The following DGLUCY variants were observed in gnomAD, a reference collection of about 807,000 sequenced individuals.
DGLUCY encodes D-glutamate cyclase, also known as D-glutamate cyclase, mitochondrial.
Under a neutral mutation model 58.5 loss-of-function variants are expected in DGLUCY, and 58 were observed. The observed-to-expected ratio is 0.99, with a 90% CI of 0.80 to 1.23. DGLUCY has a LOEUF of 1.23. Ranked by LOEUF, DGLUCY falls within the 50% of genes most tolerant of loss-of-function variation. DGLUCY has a pLI of 0.00. For synonymous variants in DGLUCY, 325 were observed against 314.1 expected, an observed-to-expected ratio of 1.03 and a Z score of -0.37; for missense variants, 779 against 784.7, an observed-to-expected ratio of 0.99 and a Z score of 0.09.
At chr14:91,128,351 T>C (rs1278254963) in intron 1 of DGLUCY, among the ~76,000 whole-genome samples, 2 of 147,684 alleles carry the variant, frequency 1.4e-5, no homozygotes, top group African/African-American at 5.0e-5. Flanking sequence ...TAGCCGGGCA[T>C]GGGGGTGGTG....
chr14:91,162,741 A>G (rs921176628), intron 3 of DGLUCY, among the ~76,000 whole-genome samples: 1 of 152,108 alleles, frequency 6.6e-6, no homozygotes, highest in African/African-American at 2.4e-5. Context: ...TACTAAAAAT[A>G]TAAAAATTAG....
At chr14:91,209,901 A>C (rs1885399458) in intron 12 of DGLUCY, among the ~76,000 whole-genome samples, 1 of 152,230 alleles carries the variant, frequency 6.6e-6, no homozygotes, top group Admixed American at 6.5e-5. Flanking sequence ...AGCTACATTA[A>C]TTTCAGACAT....
At chr14:91,087,314 C>T (rs867925639) in intron 1 of DGLUCY, among the ~76,000 whole-genome samples, 9 of 151,950 alleles carry the variant, frequency 5.9e-5, no homozygotes, top group Non-Finnish European at 1.2e-4. Context: ...CCTACAGAAC[C>T]CCCCCTGTCT....
chr14:91,145,511 G>A (rs2046963206), intron 1 of DGLUCY, among the ~76,000 whole-genome samples: 1 of 152,092 alleles, frequency 6.6e-6, no homozygotes, highest in Non-Finnish European at 1.5e-5. Flanking sequence ...TGTGAGTTGA[G>A]GCCCCATTTG....
At position 91,097,404 on chromosome 14, in the gene DGLUCY, C is replaced by A. The variant is rs1326101214; in HGVS notation, c.-82+36700C>A. Among the ~76,000 whole-genome samples the A allele has an allele frequency of 2.0e-5, 3 of 151,846 alleles. No individual in the cohort carries two copies. The East Asian group carries it at 5.8e-4, about 29-fold the overall frequency. On this transcript the variant is annotated intron_variant, in intron 1 of 4. Coordinates refer to the DGLUCY transcript ENST00000521334. The stretch of plus-strand genomic sequence containing the variant: ...GAGCGAGACACTGTCTCAAAAAAAA[C>A]AAAAACAAAAAAAGCAAAGAAAATG...
intron 7 of DGLUCY, among the ~76,000 whole-genome samples, chr14:91,178,779 C>T (rs1052616174): frequency 6.6e-6 from 1 of 152,044 alleles, no homozygotes; most frequent in South Asian, 2.1e-4. Context: ...GCCTGTAATC[C>T]CAGCACTTTG....
intron 13 of DGLUCY, among the ~76,000 whole-genome samples, chr14:91,218,771 C>G (rs889092607): frequency 6.6e-6 from 1 of 152,064 alleles, no homozygotes; most frequent in Non-Finnish European, 1.5e-5. Context: ...TGGGCCAGGC[C>G]CAGGCTTGCT....
At chr14:91,082,703 A>G (rs1454373280) in intron 1 of DGLUCY, among the ~76,000 whole-genome samples, 1 of 152,184 alleles carries the variant, frequency 6.6e-6, no homozygotes, top group East Asian at 1.9e-4. Context: ...CAGCTTCATT[A>G]TCACAGGCCT....
At chr14:91,109,874 C>T (rs1174116335), upstream of DGLUCY, among the ~76,000 whole-genome samples, 1 of 152,200 alleles carries the variant, frequency 6.6e-6, no homozygotes, top group East Asian at 1.9e-4. Flanking sequence ...CAGAGCCGAC[C>T]ATGTCTGGAG....
intron 13 of DGLUCY, among the ~76,000 whole-genome samples, chr14:91,216,991 A>G (rs1258936789): frequency 2.0e-5 from 3 of 152,216 alleles, no homozygotes; most frequent in Non-Finnish European, 4.4e-5. Context: ...CTCAATTTCC[A>G]TGGCCCTCTT....
At chr14:91,218,905 C>T (rs1887012499) in intron 13 of DGLUCY, among the ~76,000 whole-genome samples, 1 of 151,860 alleles carries the variant, frequency 6.6e-6, no homozygotes, top group Non-Finnish European at 1.5e-5. Context: ...AGAGGCCGGG[C>T]ATGGTGGCTC....
At chr14:91,197,122 A>G (rs527959626) in intron 10 of DGLUCY, among the ~76,000 whole-genome samples, 17 of 152,106 alleles carry the variant, frequency 1.1e-4, no homozygotes, top group Non-Finnish European at 2.4e-4. Flanking sequence ...ACGCACCATC[A>G]CACCCAGCTA....
intron 11 of DGLUCY, among the ~76,000 whole-genome samples, chr14:91,203,673 G>T (rs948794253): frequency 4.1e-4 from 16 of 39,034 alleles, no homozygotes; most frequent in East Asian, 1.3e-3. Context: ...AGGTTTTTTT[G>T]TGTGTTTTTT....
chr14:91,064,296 G>A (rs1038162849), intron 1 of DGLUCY, among the ~76,000 whole-genome samples: 2 of 152,126 alleles, frequency 1.3e-5, no homozygotes, highest in African/African-American at 4.8e-5. Context: ...GGAATCACTG[G>A]CACATAGATG....
chr14:91,202,820 C>T (rs1366604301), intron 11 of DGLUCY, among the ~76,000 whole-genome samples: 7 of 152,188 alleles, frequency 4.6e-5, no homozygotes, highest in South Asian at 2.1e-4. Context: ...GGCTTCGAAC[C>T]GCCCCCTTTG....
intron 1 of DGLUCY, among the ~76,000 whole-genome samples, chr14:91,127,601 C>G (rs568633745): frequency 3.9e-5 from 6 of 152,210 alleles, no homozygotes; most frequent in Non-Finnish European, 8.8e-5. Context: ...AGGCAGGGAA[C>G]GCCGGGCAGA....
chr14:91,201,326 G>A lies in DGLUCY; in HGVS notation c.1444+1421G>A, dbSNP rs79570396. Among the ~76,000 whole-genome samples the A allele has an allele frequency of 6.0e-3, 905 of 150,216 alleles. 8 individuals carry two copies. The highest frequency in any genetic ancestry group is 0.021 in the African/African-American group (871 of 40,896). ...TAACTTTTTTTTTTTTTGAGATGGA[G>A]TCTCACTCTGTTACCTGTCTCAAAT... is the stretch of plus-strand genomic sequence containing the variant. On this transcript the variant is annotated intron_variant, in intron 11 of 13. Coordinates refer to ENST00000256324, the MANE Select transcript of DGLUCY (RefSeq NM_001102368.3).
At chr14:91,125,798 C>G (rs1285592334) in intron 1 of DGLUCY, among the ~76,000 whole-genome samples, 6 of 152,096 alleles carry the variant, frequency 3.9e-5, no homozygotes, top group African/African-American at 1.2e-4. Flanking sequence ...ACTAAAAATA[C>G]AAAAATTAGC....
chr14:91,110,461 C>T (rs116766139), upstream of DGLUCY, among the ~76,000 whole-genome samples: 2,181 of 139,540 alleles, frequency 0.016, 49 homozygotes, highest in African/African-American at 0.056. Flanking sequence ...GAGTCAGTCT[C>T]GCTCTGTCAC....
Sources: allele counts gnomAD v4.1 joint callset (sites outside exome capture counted in the v4.1 genomes callset), GRCh38; gene constraint gnomAD v4.1.1; transcripts MANE v1.5; gene names NCBI Gene and HGNC (gene_info 2026-07-23, HGNC 2026-07-21).